The following DPF3 variants were observed in gnomAD, a reference collection of about 807,000 sequenced individuals.
The protein encoded by DPF3 is zinc finger protein DPF3.
Under a neutral mutation model 56.8 loss-of-function variants are expected in DPF3, and 18 were observed. That is an observed-to-expected ratio of 0.32 (90% CI 0.22 to 0.47). DPF3 has a LOEUF of 0.47. DPF3 is among the 20% of genes least tolerant of loss of function. The pLI is 1.00. For missense variants in DPF3, 403 were observed against 488.8 expected, an observed-to-expected ratio of 0.82 and a Z score of 1.65; for synonymous variants, 188 against 180.2, an observed-to-expected ratio of 1.04 and a Z score of -0.35.
chr14:72,771,929 G>C (rs1437308479), intron 1 of DPF3, 36 bp from the exon 2 acceptor site: 3 of 1,485,266 alleles, frequency 2.0e-6, no homozygotes, highest in Admixed American at 2.2e-5. Context: ...TGAGGCCAGG[G>C]AAGACTGAAA....
intron 1 of DPF3, among the ~76,000 whole-genome samples, chr14:72,826,212 T>C (rs1426290770): frequency 6.6e-6 from 1 of 152,146 alleles, no homozygotes; most frequent in Non-Finnish European, 1.5e-5. Flanking sequence ...AAGGGATAAA[T>C]TTTCCTTATC....
chr14:72,873,621 C>T (rs77817537), intron 1 of DPF3, among the ~76,000 whole-genome samples: 6,841 of 152,246 alleles, frequency 0.045, 240 homozygotes, highest in Non-Finnish European at 0.074. Flanking sequence ...GACACACGCA[C>T]ATGTATGTTT....
At chr14:72,662,589 C>G in intron 8 of DPF3, 1 of 984,974 alleles carries the variant, frequency 1.0e-6, no homozygotes, top group Non-Finnish European at 1.2e-6. Context: ...AAAAAAAAAT[C>G]TTCTTATTGC....
chr14:72,818,506 C>G (rs897575659), intron 1 of DPF3, among the ~76,000 whole-genome samples: 1 of 152,004 alleles, frequency 6.6e-6, no homozygotes, highest in East Asian at 1.9e-4. Flanking sequence ...ACAGAAAGAC[C>G]CTATCTCTAC....
Position 72,875,364 on chromosome 14 carries a change from G to A in DPF3, c.32+18693C>T, listed in dbSNP as rs142077904. On this transcript the variant is annotated intron_variant, in intron 1 of 10. Coordinates refer to ENST00000556509, the MANE Select transcript of DPF3 (RefSeq NM_001280542.3). ...CGAGGCTGCAGTGAGCCATGATTGCGCCACTGCATTCCAGCCTGGGCAACA... is the reference window on the plus strand; with the variant it reads ...CGAGGCTGCAGTGAGCCATGATTGCACCACTGCATTCCAGCCTGGGCAACA... Among the ~76,000 whole-genome samples the A allele has an allele frequency of 3.4e-3, 511 of 152,244 alleles. 2 individuals are homozygous for A. The highest frequency in any genetic ancestry group is 5.6e-3 in the Non-Finnish European group (378 of 68,010).
rs766960846 is a variant in DPF3 at position 72,619,023 on chromosome 14, A to G, written c.*274T>C. On this transcript the variant is annotated 3_prime_UTR_variant, in exon 11 of 11. Coordinates refer to ENST00000556509, the MANE Select transcript of DPF3 (RefSeq NM_001280542.3). ...GGGCCTCGGTGCTAGGGTAAAAGTG[A>G]GAGGGGTTCCACAGGGCTGGGGCCG... Among the ~76,000 whole-genome samples the G allele has an allele frequency of 4.6e-5, 7 of 152,222 alleles. No individual in the cohort carries two copies. Among genetic ancestry groups the G allele is most frequent in the Non-Finnish European group, 7.3e-5 (5 of 68,034 alleles).
chr14:72,869,189 T>C (rs1885797407), intron 1 of DPF3, among the ~76,000 whole-genome samples: 1 of 152,224 alleles, frequency 6.6e-6, no homozygotes, highest in Admixed American at 6.5e-5. Flanking sequence ...CTCAATGCCC[T>C]AGACCAGAAA....
At chr14:72,718,840 A>G (rs1414160473) in intron 5 of DPF3, among the ~76,000 whole-genome samples, 2 of 136,206 alleles carry the variant, frequency 1.5e-5, no homozygotes, top group Admixed American at 8.7e-5. Flanking sequence ...ATCTCGGCTC[A>G]CTGCAACCTC....
At chr14:72,773,524 C>T (rs1197360272) in intron 1 of DPF3, among the ~76,000 whole-genome samples, 2 of 152,186 alleles carry the variant, frequency 1.3e-5, no homozygotes, top group African/African-American at 4.8e-5. Context: ...GCATTAAGCA[C>T]ATGCATACTG....
In DPF3 at chr14:72,753,339, C is replaced by A. The variant is rs902838287; in HGVS notation, c.226G>T (p.Ala76Ser). The A allele has an allele frequency of 1.2e-6, 2 of 1,613,178 alleles. No homozygotes were observed. The highest frequency in any genetic ancestry group is 8.5e-7 in the Non-Finnish European group (1 of 1,179,806). Reference protein sequence around the residue: ...LAPGQLYTYPARCWRKKRRLH... With the variant: ...LAPGQLYTYPSRCWRKKRRLH... Reference sequence around the variant, plus strand: ...CGTCTCTTCTTGCGCCAGCAGCGGGCAGGGTATGTATACAGCTGGCCCGGG... The same window carrying A: ...CGTCTCTTCTTGCGCCAGCAGCGGGAAGGGTATGTATACAGCTGGCCCGGG... The change falls in exon 3 of 11, where the codon GCC becomes TCC. Residue 76 changes from alanine to serine, a missense_variant. Ala to Ser is a moderately conservative substitution (Grantham distance 99, BLOSUM62 1). Transcript: ENST00000556509.
intron 2 of DPF3, among the ~76,000 whole-genome samples, chr14:72,769,722 C>T (rs926976536): frequency 1.3e-5 from 2 of 150,310 alleles, no homozygotes; most frequent in Non-Finnish European, 1.5e-5. Flanking sequence ...GGCCAGAATC[C>T]TGAATGGCCA....
intron 9 of DPF3, among the ~76,000 whole-genome samples, chr14:72,628,304 A>G (rs2526928): frequency 0.049 from 7,402 of 152,134 alleles, 382 homozygotes; most frequent in East Asian, 0.14. Flanking sequence ...ACTATTTTTA[A>G]TGTTTTTATC....
At chr14:72,752,671 A>G (rs1020821989) in intron 3 of DPF3, among the ~76,000 whole-genome samples, 1 of 152,168 alleles carries the variant, frequency 6.6e-6, no homozygotes, top group East Asian at 1.9e-4. Flanking sequence ...TCAAAAACAT[A>G]TATATATTAG....
At position 72,670,618 on chromosome 14, in the gene DPF3, G is replaced by C. The variant is rs956019570; in HGVS notation, c.871+3622C>G. ...TTGCCTCTAAACAGGATATTGCTTC[G>C]ATTTCTTTGATTTCCCTTCTCTCTC... On this transcript the variant is annotated intron_variant, in intron 8 of 10. Transcript: ENST00000556509. 3 of 980,800 alleles carry C rather than the reference G, an allele frequency of 3.1e-6. No homozygotes were observed. In the African/African-American group the frequency reaches 6.0e-5, roughly 20 times the overall value. The allele number at this position is 980,800 out of a possible 1,614,324, so 60.8% of individuals were successfully genotyped here.
chr14:72,623,324 A>C (rs7140593), intron 9 of DPF3, among the ~76,000 whole-genome samples: 5,730 of 152,350 alleles, frequency 0.038, 373 homozygotes, highest in African/African-American at 0.13. Flanking sequence ...CCCTAAAAAA[A>C]ACAAAAGAAA....
At position 72,714,864 on chromosome 14, in the gene DPF3, A is replaced by G. The variant is rs116208578; in HGVS notation, c.526-363T>C. Among the ~76,000 whole-genome samples, 513 of 152,118 alleles carry G rather than the reference A, an allele frequency of 3.4e-3. 4 individuals are homozygous for G. Among genetic ancestry groups the G allele is most frequent in the African/African-American group, 0.011 (470 of 41,512 alleles). On this transcript the variant is annotated intron_variant, in intron 5 of 10. Coordinates refer to ENST00000556509, the MANE Select transcript of DPF3 (RefSeq NM_001280542.3). The stretch of plus-strand genomic sequence containing the variant: ...CTCCTCTACCAAATTCCCACACACT[A>G]CCGTGCCACTGAGGCCGCTTCCTCC...
At chr14:72,849,044 A>C (rs1204523379) in intron 1 of DPF3, among the ~76,000 whole-genome samples, 2 of 152,202 alleles carry the variant, frequency 1.3e-5, no homozygotes, top group Admixed American at 1.3e-4. Context: ...CCAGGCCCCC[A>C]AAAAAGTTAA....
intron 8 of DPF3, among the ~76,000 whole-genome samples, chr14:72,656,787 C>T (rs765540151): frequency 3.9e-5 from 6 of 152,160 alleles, no homozygotes; most frequent in African/African-American, 1.4e-4. Context: ...TAGCAATAAA[C>T]CCCGCTGAAA....
intron 3 of DPF3, among the ~76,000 whole-genome samples, chr14:72,738,414 C>A (rs527567731): frequency 6.6e-6 from 1 of 152,248 alleles, no homozygotes; most frequent in Non-Finnish European, 1.5e-5. Context: ...CCTACCCTCT[C>A]ACCCCTAAGT....
Sources: allele counts gnomAD v4.1 joint callset (sites outside exome capture counted in the v4.1 genomes callset), GRCh38; gene constraint gnomAD v4.1.1; transcripts MANE v1.5; gene names NCBI Gene and HGNC (gene_info 2026-07-23, HGNC 2026-07-21).